The following PDXDC1 variants were observed in gnomAD, a reference collection of about 807,000 sequenced individuals.
The protein encoded by PDXDC1 is pyridoxal dependent decarboxylase domain containing 1.
Under a neutral mutation model 100.1 loss-of-function variants are expected in PDXDC1, and 42 were observed. That is an observed-to-expected ratio of 0.42 (90% confidence interval 0.33 to 0.54). The LOEUF is 0.54. PDXDC1 is among the 20% of genes least tolerant of loss of function. PDXDC1 has a pLI of 0.10. For synonymous variants in PDXDC1, 260 were observed against 371.7 expected (o/e 0.70, Z 3.46); for missense variants, 636 against 979.2 (o/e 0.65, Z 4.68).
At chr16:15,101,729 T>A (rs955272247) in intron 16 of PDXDC1, among the ~76,000 whole-genome samples, 8 of 148,694 alleles carry the variant, frequency 5.4e-5, no homozygotes, top group African/African-American at 2.0e-4. Context: ...TAGAGTGCAG[T>A]GGCACAATCA....
intron 1 of PDXDC1, among the ~76,000 whole-genome samples, chr16:14,987,586 G>C (rs1307715128): frequency 1.3e-5 from 2 of 152,290 alleles, no homozygotes; most frequent in Non-Finnish European, 2.9e-5. Context: ...ATTCTTCCGA[G>C]GAACTTGACA....
chr16:15,147,986 GT>G, the PDXDC1 span, among the ~76,000 whole-genome samples: 1 of 151,024 alleles, frequency 6.6e-6, no homozygotes, highest in African/African-American at 2.4e-5. Context: ...CGCCCACCCT[GT>G]TTTTTTGTTT....
At chr16:15,077,908 T>C (rs1237593956) in intron 16 of PDXDC1, among the ~76,000 whole-genome samples, 1 of 152,166 alleles carries the variant, frequency 6.6e-6, no homozygotes, top group Admixed American at 6.5e-5. Flanking sequence ...AGTGTGAAAA[T>C]GGACTAATAC....
intron 14 of PDXDC1, among the ~76,000 whole-genome samples, chr16:15,027,847 G>A (rs1371733766): frequency 3.3e-5 from 5 of 152,284 alleles, no homozygotes; most frequent in East Asian, 1.9e-4. Context: ...GTGGGCCAGC[G>A]TGGTCTTGGG....
upstream of PDXDC1, chr16:14,974,964 T>A (rs1201060692): frequency 2.6e-6 from 4 of 1,535,108 alleles, no homozygotes; most frequent in East Asian, 9.8e-5. Flanking sequence ...AGGGCCGGCG[T>A]GGCGCCCAGG....
intron 16 of PDXDC1, chr16:15,130,728 G>A (rs776890137): frequency 2.7e-6 from 4 of 1,481,160 alleles, no homozygotes; most frequent in Non-Finnish European, 3.8e-6. Flanking sequence ...GTGCTCATTG[G>A]GCCGGGGCTC....
chr16:15,033,479 C>G (rs1042799439), intron 19 of PDXDC1, 80 bp downstream of exon 19: 1 of 1,466,416 alleles, frequency 6.8e-7, no homozygotes, highest in Non-Finnish European at 9.5e-7. Flanking sequence ...AAAGCAGCTG[C>G]CCTTGGGATG....
chr16:15,079,346 C>G, intron 16 of PDXDC1, among the ~76,000 whole-genome samples: 1 of 152,198 alleles, frequency 6.6e-6, no homozygotes, highest in Non-Finnish European at 1.5e-5. Context: ...ATAATCTGCC[C>G]TTAAGAAAGG....
At chr16:15,099,805 C>T (rs917411543) in intron 16 of PDXDC1, among the ~76,000 whole-genome samples, 8 of 152,144 alleles carry the variant, frequency 5.3e-5, no homozygotes, top group Non-Finnish European at 1.2e-4. Flanking sequence ...CAAAATTTTG[C>T]TTTACTATCA....
At chr16:15,132,615 G>A (rs1462854575) in intron 16 of PDXDC1, 5 of 782,338 alleles carry the variant, frequency 6.4e-6, no homozygotes, top group South Asian at 3.0e-5. Flanking sequence ...AAGGAGCCCA[G>A]GCTGGAGGCT....
At chr16:15,048,156 T>A in intron 16 of PDXDC1, 1 of 1,296,398 alleles carries the variant, frequency 7.7e-7, no homozygotes, top group Non-Finnish European at 1.1e-6. Flanking sequence ...ATGGAAAAAC[T>A]AAAGATGTGG....
intron 1 of PDXDC1, among the ~76,000 whole-genome samples, chr16:14,976,444 C>T (rs2151117803): frequency 6.6e-6 from 1 of 152,398 alleles, no homozygotes; most frequent in African/African-American, 2.4e-5. Context: ...TAGCCTACTC[C>T]TGGGTTGCTT....
intron 13 of PDXDC1, among the ~76,000 whole-genome samples, chr16:15,024,630 C>G (rs2042449510): frequency 6.6e-6 from 1 of 152,266 alleles, no homozygotes; most frequent in African/African-American, 2.4e-5. Context: ...CCAGGCTGGT[C>G]TTGAACTCTT....
At position 15,133,436 on chromosome 16, in the gene PDXDC1, G is replaced by A. The variant is rs572675117; in HGVS notation, c.1400-5443G>A. The A allele has an allele frequency of 1.0e-5, 10 of 996,878 alleles. No homozygotes were observed. In the Admixed American group the frequency reaches 1.8e-4, roughly 18 times the overall value. The allele number at this position is 996,878 out of a possible 1,614,324, so 61.8% of individuals were successfully genotyped here. A position where few individuals can be genotyped will look rare whatever the true frequency, so the allele number is the denominator to read the frequency against. On this transcript the variant is annotated intron_variant, in intron 16 of 16. Coordinates refer to the PDXDC1 transcript ENST00000535621. ...GATGGCCAGAGACCTACGAGCAGAG[G>A]GGGGTGGTGAGCAGGTGGCAGTCTC... is the stretch of plus-strand genomic sequence containing the variant.
chr16:15,126,026 A>C (rs1598201735), intron 16 of PDXDC1: 2 of 592,154 alleles, frequency 3.4e-6, no homozygotes, highest in Non-Finnish European at 6.0e-6. Flanking sequence ...TAAGGAACAG[A>C]GTTTTCAATT....
intron 16 of PDXDC1, among the ~76,000 whole-genome samples, chr16:15,075,598 A>T (rs1015614271): frequency 6.6e-6 from 1 of 152,036 alleles, no homozygotes; most frequent in African/African-American, 2.4e-5. Flanking sequence ...GAAAAGAAAG[A>T]AAGAAATGCA....
chr16:15,002,034 G>A (rs1973274849), intron 4 of PDXDC1, 178 bp downstream of exon 4: 6 of 617,132 alleles, frequency 9.7e-6, no homozygotes, highest in Non-Finnish European at 1.6e-5. Flanking sequence ...GTGAAATGAA[G>A]GCATTTATTG....
intron 16 of PDXDC1, among the ~76,000 whole-genome samples, chr16:15,051,441 C>T (rs977008213): frequency 8.5e-5 from 13 of 152,174 alleles, no homozygotes; most frequent in African/African-American, 3.1e-4. Context: ...CAGCCTCTGG[C>T]CTCAAGCAAT....
rs1011406957 is a variant in PDXDC1, at chr16:15,136,737, G to A, written c.1400-2142G>A. On this transcript the variant is annotated intron_variant, in intron 16 of 16. Transcript: ENST00000535621. ...AGAAGATCTCCGTGTCCGAGGGGCAGAGCGGGTGCACCGCTGGAGACCGGT... is the reference window on the plus strand; with the variant it reads ...AGAAGATCTCCGTGTCCGAGGGGCAAAGCGGGTGCACCGCTGGAGACCGGT... 3.2e-6 allele frequency: 5 copies of A among 1,559,144 alleles called. 1 individual carries two copies. The highest frequency in any genetic ancestry group is 1.1e-5 in the South Asian group (1 of 89,032).
Sources: gnomAD v4.1 joint callset for allele counts (sites outside exome capture counted in the v4.1 genomes callset) on GRCh38, gnomAD v4.1.1 for gene constraint, MANE v1.5 for transcripts, NCBI Gene and HGNC (gene_info 2026-07-23, HGNC 2026-07-21) for gene names.